The following MKLN1 variants were observed in gnomAD, a reference collection of about 807,000 sequenced individuals.
MKLN1 encodes the protein muskelin 1, also known as muskelin.
In MKLN1, 18 loss-of-function variants were observed where a neutral mutation model predicts 99.0. The observed-to-expected ratio is 0.18, with a 90% CI of 0.13 to 0.27. The LOEUF (loss-of-function observed/expected upper bound fraction) is 0.27. MKLN1 is among the 10% of genes least tolerant of loss of function. The pLI, the probability that MKLN1 is intolerant of heterozygous loss-of-function variation, is 1.00. For missense variants in MKLN1, 621 were observed against 875.9 expected, an observed-to-expected ratio of 0.71 and a Z score of 3.67; for synonymous variants, 288 against 293.2, an observed-to-expected ratio of 0.98 and a Z score of 0.18.
chr7:131,445,279 A>C (rs867678137), intron 11 of MKLN1, among the ~76,000 whole-genome samples: 2 of 151,998 alleles, frequency 1.3e-5, no homozygotes, highest in African/African-American at 4.8e-5. Flanking sequence ...ACATTGTTCT[A>C]AAGTCAAAAC....
At position 131,138,396 on chromosome 7, in the gene MKLN1, G is replaced by GTT. The variant is rs1303007506; in HGVS notation, c.-418-4423_-418-4422insTT. Among the ~76,000 whole-genome samples the GTT allele has an allele frequency of 3.9e-5, 6 of 152,196 alleles. No homozygotes were observed. The East Asian group carries it at 1.2e-3, about 29-fold the overall frequency. ...AAAAAATTTTAAAAATAAACCAGCC[G>GTT]TAACACCTCTGAAGTGGAAGTTACA... On this transcript the variant is annotated intron_variant, in intron 1 of 7. Transcript: ENST00000416992.
chr7:131,469,778 A>G (rs1212917961), intron 15 of MKLN1, among the ~76,000 whole-genome samples: 2 of 152,210 alleles, frequency 1.3e-5, no homozygotes, highest in Non-Finnish European at 2.9e-5. Context: ...GGTATAACAG[A>G]GACGTTATCT....
intron 3 of MKLN1, among the ~76,000 whole-genome samples, chr7:131,206,337 G>T (rs1242266090): frequency 1.3e-5 from 2 of 152,044 alleles, no homozygotes; most frequent in African/African-American, 4.8e-5. Flanking sequence ...AAATAACCAG[G>T]GGATGGGAAT....
chr7:131,169,630 G>A lies in MKLN1; in HGVS notation c.-297+26689G>A, dbSNP rs192107955. On this transcript the variant is annotated intron_variant, in intron 2 of 7. Transcript: ENST00000416992. ...TTAATTAAGTTAGATCCTTTCAACT[G>A]GTTAGTTAGACTTACGAATTGAGAT... Among the ~76,000 whole-genome samples, 10 of 152,196 alleles carry A rather than the reference G, an allele frequency of 6.6e-5. 1 individual carries two copies. The highest frequency in any genetic ancestry group is 2.4e-4 in the African/African-American group (10 of 41,510).
At chr7:131,467,760 C>G (rs952968943) in intron 15 of MKLN1, among the ~76,000 whole-genome samples, 4 of 152,194 alleles carry the variant, frequency 2.6e-5, no homozygotes, top group Non-Finnish European at 5.9e-5. Context: ...GTAACACATT[C>G]AGGCTTGTAT....
At chr7:131,342,275 A>G (rs948104223) in intron 1 of MKLN1, among the ~76,000 whole-genome samples, 2 of 152,040 alleles carry the variant, frequency 1.3e-5, no homozygotes, top group African/African-American at 4.8e-5. Context: ...CTTCAAATGT[A>G]TTACTTTGAG....
chr7:131,376,409 C>T lies in MKLN1; in HGVS notation c.168+916C>T, dbSNP rs181985939. 7.2e-3 allele frequency among the ~76,000 whole-genome samples: 1,074 copies of T among 149,166 alleles called. 15 individuals carry two copies. The highest frequency in any genetic ancestry group is 0.024 in the African/African-American group (997 of 40,774). On this transcript the variant is annotated intron_variant, in intron 2 of 17. Transcript: ENST00000352689. Reference sequence around the variant, plus strand: ...GTGTAATCCCAGCACTTTGGGAGGCCGAGGAGGGCAGATCACAAGGTCAGG... The same window carrying T: ...GTGTAATCCCAGCACTTTGGGAGGCTGAGGAGGGCAGATCACAAGGTCAGG...
At chr7:131,333,271 C>T (rs1799132993) in intron 1 of MKLN1, among the ~76,000 whole-genome samples, 1 of 151,164 alleles carries the variant, frequency 6.6e-6, no homozygotes, top group South Asian at 2.1e-4. Context: ...GATGGGGTCC[C>T]ACTATGTTGC....
At chr7:131,474,588 C>CA (rs973792780) in intron 16 of MKLN1, among the ~76,000 whole-genome samples, 1 of 152,130 alleles carries the variant, frequency 6.6e-6, no homozygotes, top group African/African-American at 2.4e-5. Context: ...AGAGCCAATA[C>CA]AATTTATTTT....
chr7:131,401,081 A>G (rs1462292827), intron 6 of MKLN1, among the ~76,000 whole-genome samples: 1 of 152,138 alleles, frequency 6.6e-6, no homozygotes, highest in Non-Finnish European at 1.5e-5. Flanking sequence ...GCAGAGAAGG[A>G]CAAGAAGTTC....
chr7:131,275,547 ATATATATATATATATATATATTTTTTTT>A (rs1157641240), intron 3 of MKLN1, among the ~76,000 whole-genome samples: 11 of 11,612 alleles, frequency 9.5e-4, no homozygotes, highest in African/African-American at 3.1e-3. Flanking sequence ...ATATATATAT[ATATATATATATATATATATATTTTTTTT>A]TTTTTTTTTT....
At chr7:131,474,703 A>C (rs939479562) in intron 16 of MKLN1, among the ~76,000 whole-genome samples, 2 of 152,232 alleles carry the variant, frequency 1.3e-5, no homozygotes, top group African/African-American at 2.4e-5. Context: ...TAAAAGTGAA[A>C]AGTTGGCCTT....
intron 8 of MKLN1, among the ~76,000 whole-genome samples, chr7:131,424,062 C>T (rs929507880): frequency 6.6e-6 from 1 of 152,106 alleles, no homozygotes; most frequent in Admixed American, 6.5e-5. Context: ...AAATATTTTT[C>T]CCCTCTTCAA....
intron 1 of MKLN1, among the ~76,000 whole-genome samples, chr7:131,135,660 C>T (rs1795639109): frequency 6.6e-6 from 1 of 152,038 alleles, no homozygotes; most frequent in Non-Finnish European, 1.5e-5. Flanking sequence ...GAACATTGTG[C>T]CAAGAGTCTG....
chr7:131,449,217 C>A (rs550346353), intron 12 of MKLN1, among the ~76,000 whole-genome samples: 1 of 152,042 alleles, frequency 6.6e-6, no homozygotes, highest in African/African-American at 2.4e-5. Flanking sequence ...AGGAAGGAAC[C>A]TGGGATGTTC....
chr7:131,442,920 CAG>C (rs1430881042), intron 10 of MKLN1, among the ~76,000 whole-genome samples: 1 of 152,196 alleles, frequency 6.6e-6, no homozygotes, highest in Non-Finnish European at 1.5e-5. Flanking sequence ...TAAAAGTAGG[CAG>C]AGTTCTTCAC....
intron 2 of MKLN1, among the ~76,000 whole-genome samples, chr7:131,202,186 T>C (rs35892146): frequency 0.47 from 57,739 of 123,124 alleles, 14,956 homozygotes; most frequent in South Asian, 0.63. Flanking sequence ...TTTGAGATGT[T>C]GTCTTGCTCT....
chr7:131,288,109 A>T (rs1415538250), intron 3 of MKLN1, among the ~76,000 whole-genome samples: 1 of 151,822 alleles, frequency 6.6e-6, no homozygotes, highest in Non-Finnish European at 1.5e-5. Context: ...TCTCTGCCAC[A>T]CTCTGTTCCC....
intron 1 of MKLN1, among the ~76,000 whole-genome samples, chr7:131,122,004 C>T (rs1371932212): frequency 6.6e-6 from 1 of 152,228 alleles, no homozygotes; most frequent in Non-Finnish European, 1.5e-5. Flanking sequence ...TAAGGAGGAT[C>T]AGCTCTTTGT....
Sources: allele counts gnomAD v4.1 joint callset (sites outside exome capture counted in the v4.1 genomes callset), GRCh38; gene constraint gnomAD v4.1.1; transcripts MANE v1.5; gene names NCBI Gene and HGNC (gene_info 2026-07-23, HGNC 2026-07-21).